FAM168B: variants seen among roughly 807,000 people sequenced by gnomAD.
The protein encoded by FAM168B is myelin-associated neurite-outgrowth inhibitor.
Under a neutral mutation model 21.8 loss-of-function variants are expected in FAM168B, and 19 were observed. That is an observed-to-expected ratio of 0.87 (90% CI 0.61 to 1.28). FAM168B has a LOEUF of 1.28. Among genes scored for constraint, FAM168B ranks in the 50% most tolerant of loss-of-function variants. The pLI, the probability that FAM168B is intolerant of heterozygous loss-of-function variation, is 0.00. For synonymous variants in FAM168B, 126 were observed against 104.8 expected, an observed-to-expected ratio of 1.20 and a Z score of -1.24; for missense variants, 233 against 263.1, an observed-to-expected ratio of 0.89 and a Z score of 0.79.
intron 2 of FAM168B, among the ~76,000 whole-genome samples, chr2:131,078,696 A>G (rs544157433): frequency 6.6e-6 from 1 of 152,314 alleles, no homozygotes; most frequent in East Asian, 1.9e-4. Flanking sequence ...AAAGAGGCAA[A>G]AATTATTCTA....
chr2:131,059,609 G>C (rs944826331), intron 3 of FAM168B, among the ~76,000 whole-genome samples: 1 of 152,014 alleles, frequency 6.6e-6, no homozygotes, highest in Non-Finnish European at 1.5e-5. Context: ...TCAAAACATA[G>C]AGCTACCCTC....
intron 6 of FAM168B, 92 bp from the exon 7 acceptor site, chr2:131,052,544 G>C (rs1691745150): frequency 1.0e-6 from 1 of 1,000,398 alleles, no homozygotes; most frequent in African/African-American, 1.8e-5. Context: ...AGCAGGGTCG[G>C]AAAGGGCAGC....
intron 2 of FAM168B, among the ~76,000 whole-genome samples, chr2:131,081,748 G>A (rs1693444475): frequency 2.0e-5 from 3 of 152,140 alleles, no homozygotes; most frequent in Admixed American, 1.3e-4. Flanking sequence ...AATAGCACAT[G>A]TGCCCAGGAC....
At chr2:131,071,555 G>A (rs996207262) in intron 3 of FAM168B, among the ~76,000 whole-genome samples, 11 of 152,126 alleles carry the variant, frequency 7.2e-5, no homozygotes, top group Non-Finnish European at 1.5e-5. Context: ...CCACCTGTTG[G>A]CATGGCAAGA....
intron 1 of FAM168B, among the ~76,000 whole-genome samples, chr2:131,089,944 AT>A (rs1167570840): frequency 1.3e-5 from 2 of 151,848 alleles, no homozygotes; most frequent in African/African-American, 4.8e-5. Flanking sequence ...AGGCAGGAGA[AT>A]CACTTGAACC....
intron 2 of FAM168B, among the ~76,000 whole-genome samples, chr2:131,075,119 C>T (rs1693074856): frequency 6.6e-6 from 1 of 152,028 alleles, no homozygotes; most frequent in Admixed American, 6.6e-5. Context: ...AAGAGACCCA[C>T]AATGGCCACT....
Position 131,050,267 on chromosome 2 carries a change from T to C in FAM168B, c.*2198A>G. The C allele has an allele frequency of 1.0e-6, 1 of 985,488 alleles. No homozygotes were observed. The highest frequency in any genetic ancestry group is 1.2e-6 in the Non-Finnish European group (1 of 829,944). The allele number at this position is 985,488 out of a possible 1,614,324, so 61.0% of individuals were successfully genotyped here. On this transcript the variant is annotated 3_prime_UTR_variant, in exon 7 of 7. Transcript: ENST00000389915. ...CTCACAGGAGTTGTACATGTATGTT[T>C]CCATTTTGTTGTGTGGGGCTTTTTA... is the stretch of plus-strand genomic sequence containing the variant.
intron 3 of FAM168B, among the ~76,000 whole-genome samples, chr2:131,056,377 G>C (rs1166675829): frequency 6.6e-6 from 1 of 152,204 alleles, no homozygotes; most frequent in Non-Finnish European, 1.5e-5. Flanking sequence ...CTGGCAAGCT[G>C]AAGTGGAGGA....
rs1476624149 is a variant in FAM168B at position 131,048,247 on chromosome 2, G to A, written c.*4218C>T. ...AGGCTCTCTAGGGCCTCTCCGTGTG[G>A]CCAGCACAGCAACCCTGCTAGGAGC... is the stretch of plus-strand genomic sequence containing the variant. On this transcript the variant is annotated 3_prime_UTR_variant, in exon 7 of 7. Transcript: ENST00000389915. 2.3e-6 allele frequency: 3 copies of A among 1,303,974 alleles called. No homozygotes were observed. The highest frequency in any genetic ancestry group is 2.3e-5 in the Admixed American group (1 of 43,532). 80.8% of individuals were successfully genotyped at this position (1,303,974 alleles called of 1,614,324 possible).
chr2:131,052,160 G>T lies in FAM168B; in HGVS notation c.*305C>A, dbSNP rs751336347. 2 of 985,558 alleles carry T rather than the reference G, an allele frequency of 2.0e-6. No individual in the cohort carries two copies. Among genetic ancestry groups the T allele is most frequent in the Non-Finnish European group, 2.4e-6 (2 of 829,904 alleles). The allele number at this position is 985,558 out of a possible 1,614,324, so 61.1% of individuals were successfully genotyped here. A position where few individuals can be genotyped will look rare whatever the true frequency, so the allele number is the denominator to read the frequency against. On this transcript the variant is annotated 3_prime_UTR_variant, in exon 7 of 7. Coordinates refer to ENST00000389915, the MANE Select transcript of FAM168B (RefSeq NM_001009993.4). Reference sequence around the variant, plus strand: ...TAGATTGAGCAAGCTTTTTGTGTTTGTTTTTTTAAACATGCATTCAACTAG... The same window carrying T: ...TAGATTGAGCAAGCTTTTTGTGTTTTTTTTTTTAAACATGCATTCAACTAG...
Position 131,073,265 on chromosome 2 carries a change from G to C in FAM168B, c.71-1327C>G, listed in dbSNP as rs566048619. 7.2e-5 allele frequency among the ~76,000 whole-genome samples: 11 copies of C among 152,072 alleles called. No homozygotes were observed. In the East Asian group the frequency reaches 1.9e-3, roughly 27 times the overall value. On this transcript the variant is annotated intron_variant, in intron 2 of 6. Coordinates refer to ENST00000389915, the MANE Select transcript of FAM168B (RefSeq NM_001009993.4). Reference sequence around the variant, plus strand: ...GCACCACCACGCCCAGCTAATTTTTGTATTTTTAGTAGAGATGGGGTTTTG... The same window carrying C: ...GCACCACCACGCCCAGCTAATTTTTCTATTTTTAGTAGAGATGGGGTTTTG...
chr2:131,069,555 G>A (rs910265672), intron 3 of FAM168B, among the ~76,000 whole-genome samples: 15 of 151,548 alleles, frequency 9.9e-5, no homozygotes, highest in African/African-American at 3.4e-4. Context: ...GTGCAGTGGC[G>A]CAATCTCGGC....
chr2:131,062,112 G>A (rs1030783850), intron 3 of FAM168B, among the ~76,000 whole-genome samples: 5 of 152,178 alleles, frequency 3.3e-5, no homozygotes, highest in Admixed American at 3.3e-4. Context: ...GAAAGTCCTT[G>A]ACCTTTTTAT....
chr2:131,086,625 T>C (rs1198893155), intron 1 of FAM168B, among the ~76,000 whole-genome samples: 2 of 152,198 alleles, frequency 1.3e-5, no homozygotes, highest in African/African-American at 4.8e-5. Flanking sequence ...CTGTCTGTAC[T>C]ATCCAAATAT....
intron 5 of FAM168B, among the ~76,000 whole-genome samples, chr2:131,054,268 C>T (rs1045600181): frequency 6.7e-6 from 1 of 149,542 alleles, no homozygotes; most frequent in African/African-American, 2.5e-5. Context: ...GGATTCTAAA[C>T]TACATGAGCT....
At chr2:131,082,241 G>A (rs1217270293) in intron 2 of FAM168B, among the ~76,000 whole-genome samples, 4 of 152,178 alleles carry the variant, frequency 2.6e-5, no homozygotes, top group South Asian at 2.1e-4. Flanking sequence ...TAGAGTGGAG[G>A]TAAAGAGGCT....
At chr2:131,076,013 C>T (rs971870469) in intron 2 of FAM168B, among the ~76,000 whole-genome samples, 1 of 152,114 alleles carries the variant, frequency 6.6e-6, no homozygotes, top group Non-Finnish European at 1.5e-5. Flanking sequence ...CCACTCTGAC[C>T]CAAGCCGCAG....
chr2:131,077,489 A>G lies in FAM168B; in HGVS notation c.70+5088T>C, dbSNP rs554223556. 9.9e-5 allele frequency among the ~76,000 whole-genome samples: 15 copies of G among 152,194 alleles called. No homozygotes were observed. In the South Asian group the frequency reaches 2.7e-3, roughly 27 times the overall value. On this transcript the variant is annotated intron_variant, in intron 2 of 6. Transcript: ENST00000389915. The stretch of plus-strand genomic sequence containing the variant: ...ACAGTCTGAGGCTCTCCCTAATTCT[A>G]CTTCCTCCCTGCTGGATTTTCCTAT...
intron 3 of FAM168B, among the ~76,000 whole-genome samples, chr2:131,069,741 C>T (rs899082562): frequency 6.6e-6 from 1 of 151,988 alleles, no homozygotes; most frequent in African/African-American, 2.4e-5. Flanking sequence ...GATCCACCCA[C>T]CCCGGCCTCC....
Sources: gnomAD v4.1 joint callset for allele counts (sites outside exome capture counted in the v4.1 genomes callset) on GRCh38, gnomAD v4.1.1 for gene constraint, MANE v1.5 for transcripts, NCBI Gene and HGNC (gene_info 2026-07-23, HGNC 2026-07-21) for gene names.